Variants in UIMC1 observed in about 807,000 individuals in gnomAD.
UIMC1 encodes BRCA1-A complex subunit RAP80.
UIMC1 carries 42 observed loss-of-function variants against 84.9 expected under a neutral mutation model. That is an observed-to-expected ratio of 0.49 (90% CI 0.39 to 0.64). The LOEUF is 0.64. Among genes scored for constraint, UIMC1 ranks in the 30% least tolerant of loss-of-function variants. UIMC1 has a pLI of 0.00. For missense variants in UIMC1, 825 were observed against 847.6 expected, an observed-to-expected ratio of 0.97 and a Z score of 0.33; for synonymous variants, 281 against 293.0, an observed-to-expected ratio of 0.96 and a Z score of 0.42.
At chr5:177,014,851 G>T (rs574208918) in intron 1 of UIMC1, among the ~76,000 whole-genome samples, 245 of 152,294 alleles carry the variant, frequency 1.6e-3, no homozygotes, top group African/African-American at 5.7e-3. Flanking sequence ...GGTGGAAAAG[G>T]AAGTAGAATA....
chr5:176,964,497 T>C (rs950024920), intron 6 of UIMC1, among the ~76,000 whole-genome samples: 1 of 152,172 alleles, frequency 6.6e-6, no homozygotes, highest in Non-Finnish European at 1.5e-5. Flanking sequence ...AAGAAAAGTT[T>C]CATATAGAAA....
At chr5:176,905,679 A>T in intron 14 of UIMC1, 187 bp from the exon 15 acceptor site, 1 of 667,670 alleles carries the variant, frequency 1.5e-6, no homozygotes, top group Non-Finnish European at 2.5e-6. Context: ...TATACTACTT[A>T]AAGCTGGCCA....
At chr5:176,908,477 C>T (rs780669327) in intron 12 of UIMC1, 46 bp downstream of exon 12, 6 of 1,571,482 alleles carry the variant, frequency 3.8e-6, no homozygotes. Flanking sequence ...TTACAACTGA[C>T]AACCAGGAGG....
At chr5:176,938,240 T>TAAA (rs35080198) in intron 10 of UIMC1, among the ~76,000 whole-genome samples, 7 of 112,072 alleles carry the variant, frequency 6.2e-5, no homozygotes, top group East Asian at 2.5e-4. Context: ...CCTTCCACAG[T>TAAA]AAAAAAAAAA....
chr5:176,988,146 A>C (rs1281149443), intron 1 of UIMC1, among the ~76,000 whole-genome samples: 3 of 152,100 alleles, frequency 2.0e-5, no homozygotes, highest in South Asian at 2.1e-4. Context: ...AAAAAAAAAA[A>C]AAAAACTCAA....
intron 1 of UIMC1, chr5:177,022,381 TCA>T (rs1423447474): frequency 8.7e-6 from 2 of 230,940 alleles, no homozygotes; most frequent in Non-Finnish European, 1.7e-5. Flanking sequence ...GTTCTGGGCC[TCA>T]GTTTCCCTGT....
intron 1 of UIMC1, among the ~76,000 whole-genome samples, chr5:177,000,098 C>A (rs1026935091): frequency 6.6e-6 from 1 of 151,984 alleles, no homozygotes; most frequent in Non-Finnish European, 1.5e-5. Flanking sequence ...AGCTGGGATA[C>A]AGGCGCCCGC....
At chr5:176,968,209 T>C (rs775540150) in intron 6 of UIMC1, among the ~76,000 whole-genome samples, 14 of 152,000 alleles carry the variant, frequency 9.2e-5, no homozygotes, top group Non-Finnish European at 1.2e-4. Flanking sequence ...CCGTCTCTAC[T>C]AAAAGTACAA....
At chr5:176,998,946 C>T (rs1774046119) in intron 1 of UIMC1, among the ~76,000 whole-genome samples, 1 of 151,960 alleles carries the variant, frequency 6.6e-6, no homozygotes. Flanking sequence ...TTCCAGCACT[C>T]TGGGTGGCCA....
At chr5:176,920,942 G>A (rs1310799393) in intron 10 of UIMC1, among the ~76,000 whole-genome samples, 1 of 152,184 alleles carries the variant, frequency 6.6e-6, no homozygotes. Flanking sequence ...TCAGGCTGAG[G>A]AAGTTCCTGT....
At chr5:177,021,513 G>A (rs181762695) in intron 1 of UIMC1, among the ~76,000 whole-genome samples, 15 of 152,340 alleles carry the variant, frequency 9.8e-5, no homozygotes, top group African/African-American at 3.6e-4. Flanking sequence ...GAGCCATGAA[G>A]ATATATGAGA....
intron 10 of UIMC1, among the ~76,000 whole-genome samples, chr5:176,923,195 A>G (rs1561742849): frequency 2.0e-5 from 3 of 152,262 alleles, no homozygotes; most frequent in Non-Finnish European, 2.9e-5. Flanking sequence ...TATCAAGCCT[A>G]GTACCTGAGA....
chr5:176,979,040 T>G (rs1770591780), intron 2 of UIMC1, among the ~76,000 whole-genome samples: 1 of 152,104 alleles, frequency 6.6e-6, no homozygotes, highest in East Asian at 1.9e-4. Context: ...AATGCCTACC[T>G]AAAATACCCA....
chr5:176,945,924 C>A (rs750408832), intron 9 of UIMC1, among the ~76,000 whole-genome samples: 1 of 152,176 alleles, frequency 6.6e-6, no homozygotes, highest in Non-Finnish European at 1.5e-5. Context: ...TACTGAGGAA[C>A]ATACTATATT....
At chr5:177,002,734 C>T (rs1422731591) in intron 1 of UIMC1, among the ~76,000 whole-genome samples, 2 of 151,986 alleles carry the variant, frequency 1.3e-5, no homozygotes, top group Non-Finnish European at 2.9e-5. Flanking sequence ...GGAGGCGGAG[C>T]TTGCAGTGAG....
chr5:177,001,395 A>T (rs1282054595), intron 1 of UIMC1: 2 of 152,206 alleles, frequency 1.3e-5, no homozygotes, highest in African/African-American at 4.8e-5. Flanking sequence ...GAAATCAAAG[A>T]TCTAAATAAG....
chr5:176,950,889 G>C (rs896879129), intron 9 of UIMC1, among the ~76,000 whole-genome samples: 2 of 151,498 alleles, frequency 1.3e-5, no homozygotes, highest in South Asian at 4.2e-4. Context: ...GAAAAGAAAA[G>C]GAAAAATATA....
intron 13 of UIMC1, among the ~76,000 whole-genome samples, 168 bp downstream of exon 13, chr5:176,906,946 G>A (rs960435783): frequency 7.2e-5 from 11 of 152,194 alleles, no homozygotes; most frequent in African/African-American, 2.4e-4. Flanking sequence ...ACAGCATATT[G>A]CCCCAACTTC....
chr5:176,926,758 T>C (rs1340143949), intron 10 of UIMC1, among the ~76,000 whole-genome samples: 2 of 151,850 alleles, frequency 1.3e-5, no homozygotes, highest in African/African-American at 4.8e-5. Context: ...GTAAAAAATA[T>C]ACATATGAGA....
Sources: allele counts gnomAD v4.1 joint callset (sites outside exome capture counted in the v4.1 genomes callset), GRCh38; gene constraint gnomAD v4.1.1; transcripts MANE v1.5; gene names NCBI Gene and HGNC (gene_info 2026-07-23, HGNC 2026-07-21).